HYDIN: variants seen among roughly 807,000 people sequenced by gnomAD.
The protein encoded by HYDIN is axonemal central pair apparatus protein HYDIN.
A neutral mutation model predicts 403.9 loss-of-function variants in HYDIN; 132 were observed. That is an observed-to-expected ratio of 0.33 (90% CI 0.28 to 0.38). The LOEUF (loss-of-function observed/expected upper bound fraction) is 0.38. Ranked by LOEUF, HYDIN falls within the 10% of genes least tolerant of loss-of-function variation. The pLI is 1.00. For missense variants in HYDIN, 2,827 were observed against 5,009.5 expected, an observed-to-expected ratio of 0.56 and a Z score of 13.15; for synonymous variants, 1,202 against 1,891.7, an observed-to-expected ratio of 0.64 and a Z score of 9.46.
At chr16:71,182,318 T>TA (rs2086941042) in intron 3 of HYDIN, among the ~76,000 whole-genome samples, 1 of 152,162 alleles carries the variant, frequency 6.6e-6, no homozygotes, top group Non-Finnish European at 1.5e-5. Context: ...AAAACATTCT[T>TA]ACTGCTTTGT....
At chr16:70,916,287 C>T (rs1469001786) in intron 47 of HYDIN, among the ~76,000 whole-genome samples, 1 of 152,170 alleles carries the variant, frequency 6.6e-6, no homozygotes, top group African/African-American at 2.4e-5. Flanking sequence ...GAATGGCCTG[C>T]TTGGGGACCT....
At chr16:70,976,910 G>A (rs1441563587) in intron 30 of HYDIN, among the ~76,000 whole-genome samples, 1 of 151,762 alleles carries the variant, frequency 6.6e-6, no homozygotes, top group South Asian at 2.1e-4. Flanking sequence ...CAGGAGGTGA[G>A]AGTGGAAGTG....
chr16:71,214,912 G>C (rs1476841302), intron 1 of HYDIN, among the ~76,000 whole-genome samples: 1 of 152,080 alleles, frequency 6.6e-6, no homozygotes, highest in Non-Finnish European at 1.5e-5. Flanking sequence ...TCAAGTCCTA[G>C]ACTCAGGCTC....
intron 1 of HYDIN, among the ~76,000 whole-genome samples, chr16:71,202,315 T>C (rs2144709071): frequency 6.6e-6 from 1 of 152,336 alleles, no homozygotes; most frequent in Non-Finnish European, 1.5e-5. Flanking sequence ...TTGCAGCAAA[T>C]TCTTAAACAA....
At chr16:70,884,882 G>A (rs2041038185) in intron 58 of HYDIN, among the ~76,000 whole-genome samples, 1 of 152,246 alleles carries the variant, frequency 6.6e-6, no homozygotes, top group Non-Finnish European at 1.5e-5. Context: ...ATCTTTCCTA[G>A]AACAGAATGT....
chr16:70,858,151 C>T (rs985987304), intron 71 of HYDIN, among the ~76,000 whole-genome samples: 1 of 150,904 alleles, frequency 6.6e-6, no homozygotes, highest in African/African-American at 2.4e-5. Flanking sequence ...CATGGCTGTG[C>T]CATAGCTGAC....
chr16:70,908,560 G>A (rs2076601682), intron 48 of HYDIN, 93 bp downstream of exon 48: 3 of 1,517,774 alleles, frequency 2.0e-6, no homozygotes, highest in African/African-American at 1.4e-5. Context: ...CCCACAGACA[G>A]GACAGCTCTG....
chr16:70,830,830 T>C (rs1464803413), intron 80 of HYDIN, among the ~76,000 whole-genome samples: 3 of 152,044 alleles, frequency 2.0e-5, no homozygotes, highest in African/African-American at 7.3e-5. Context: ...GGAGCTCAGG[T>C]TTCATACATG....
intron 14 of HYDIN, among the ~76,000 whole-genome samples, chr16:71,068,399 C>G (rs2144299175): frequency 6.6e-6 from 1 of 152,178 alleles, no homozygotes; most frequent in Non-Finnish European, 1.5e-5. Flanking sequence ...TTGGAGAAAG[C>G]TTTTCTAAAT....
chr16:71,141,215 T>C (rs946275684), intron 7 of HYDIN, among the ~76,000 whole-genome samples: 3 of 148,030 alleles, frequency 2.0e-5, no homozygotes, highest in Non-Finnish European at 4.5e-5. Context: ...AAAGGCAGTA[T>C]CTCAAATCAT....
At chr16:71,053,973 T>G (rs1462324142) in intron 18 of HYDIN, among the ~76,000 whole-genome samples, 1 of 152,264 alleles carries the variant, frequency 6.6e-6, no homozygotes, top group East Asian at 1.9e-4. Flanking sequence ...GTAGAGAAGC[T>G]GAGTGATGGC....
rs1369119127 is a variant in HYDIN, at chr16:71,093,874, G to T, written c.1389C>A (p.Phe463Leu). ...KGEGMGPKIH[F>L]NFELLDIGKV... ...TCCCAATATCCAGCAATTCAAAGTTGAAGTGAATCTTAGGTCCCATGCCTT... is the reference window on the plus strand; with the variant it reads ...TCCCAATATCCAGCAATTCAAAGTTTAAGTGAATCTTAGGTCCCATGCCTT... The change falls in exon 11 of 86, where the codon TTC (phenylalanine) becomes TTA (leucine). Residue 463 changes from phenylalanine (F) to leucine (L), a missense_variant. Physicochemically the swap from Phe to Leu is conservative, Grantham distance 22 (BLOSUM62 0). Coordinates refer to ENST00000393567, the MANE Select transcript of HYDIN (RefSeq NM_001270974.2). 1.2e-6 allele frequency: 2 copies of T among 1,613,746 alleles called. No homozygotes were observed. The highest frequency in any genetic ancestry group is 1.3e-5 in the African/African-American group (1 of 75,036).
At chr16:71,133,864 A>G (rs74027617) in intron 8 of HYDIN, among the ~76,000 whole-genome samples, 7,679 of 151,686 alleles carry the variant, frequency 0.051, 663 homozygotes, top group African/African-American at 0.18. Flanking sequence ...AAAGAAAGAA[A>G]TAAAGGTGAC....
intron 9 of HYDIN, among the ~76,000 whole-genome samples, chr16:71,122,456 CCTT>C (rs1214409239): frequency 2.3e-5 from 2 of 85,122 alleles, no homozygotes; most frequent in African/African-American, 9.5e-5. Context: ...AGATTCCTGT[CCTT>C]CTTTCTCCTT....
chr16:71,153,039 C>T lies in HYDIN; in HGVS notation c.717-256G>A, dbSNP rs1228527979. On this transcript the variant is annotated intron_variant, in intron 6 of 85. Coordinates refer to ENST00000393567, the MANE Select transcript of HYDIN (RefSeq NM_001270974.2). ...TATTCTTGTTTGTGTCCTTGCCATT[C>T]AGCCCTGCTTTTAACATTCATTGAG... 4.1e-5 allele frequency: 16 copies of T among 385,722 alleles called. 1 individual carries two copies. Among genetic ancestry groups the T allele is most frequent in the South Asian group, 5.6e-5 (2 of 35,934 alleles). The allele number at this position is 385,722 out of a possible 1,614,324, so 23.9% of individuals were successfully genotyped here.
intron 8 of HYDIN, among the ~76,000 whole-genome samples, chr16:71,136,857 A>G (rs1462320430): frequency 6.8e-6 from 1 of 147,574 alleles, no homozygotes; most frequent in Non-Finnish European, 1.5e-5. Context: ...ACTTGTTTTG[A>G]AAGAATAGTG....
intron 41 of HYDIN, among the ~76,000 whole-genome samples, chr16:70,946,694 T>A (rs542131483): frequency 6.6e-6 from 1 of 152,174 alleles, no homozygotes; most frequent in African/African-American, 2.4e-5. Flanking sequence ...GAGTTAGTCA[T>A]CTGTAAAGTG....
chr16:70,811,822 A>G (rs2035525549), intron 84 of HYDIN, among the ~76,000 whole-genome samples: 1 of 149,142 alleles, frequency 6.7e-6, no homozygotes. Flanking sequence ...ACGCCATTGC[A>G]CTCCAGCCTG....
chr16:71,139,396 G>T (rs1376097872), intron 7 of HYDIN, among the ~76,000 whole-genome samples: 1 of 151,858 alleles, frequency 6.6e-6, no homozygotes, highest in Non-Finnish European at 1.5e-5. Context: ...GGAACCAGCA[G>T]GTACAAGAAA....
Sources: gnomAD v4.1 joint callset for allele counts (sites outside exome capture counted in the v4.1 genomes callset) on GRCh38, gnomAD v4.1.1 for gene constraint, MANE v1.5 for transcripts, NCBI Gene and HGNC (gene_info 2026-07-23, HGNC 2026-07-21) for gene names.